MCUB: variants seen among roughly 807,000 people sequenced by gnomAD.
MCUB encodes the protein mitochondrial calcium uniporter dominant negative subunit beta, also known as calcium uniporter regulatory subunit MCUb, mitochondrial.
Under a neutral mutation model 41.4 loss-of-function variants are expected in MCUB, and 46 were observed. The ratio of observed to expected loss-of-function variants is 1.11; its 90% CI spans 0.88 to 1.42. The LOEUF is 1.42. MCUB is among the 40% of genes most tolerant of loss of function. The pLI is 0.00. For synonymous variants in MCUB, 148 were observed against 148.2 expected (o/e 1.00, Z 0.01); for missense variants, 403 against 404.9 (o/e 1.00, Z 0.04).
intron 4 of MCUB, among the ~76,000 whole-genome samples, chr4:109,681,721 G>T (rs1031517905): frequency 2.0e-5 from 3 of 152,248 alleles, no homozygotes; most frequent in Non-Finnish European, 4.4e-5. Flanking sequence ...CGGCAAAGGG[G>T]TGCCTCGCTG....
intron 1 of MCUB, among the ~76,000 whole-genome samples, chr4:109,594,824 C>T (rs569992277): frequency 2.7e-5 from 4 of 150,516 alleles, no homozygotes; most frequent in South Asian, 2.1e-4. Context: ...ATTAAGGTTG[C>T]GTGATCCAAA....
At chr4:109,638,925 T>C (rs1334284380) in intron 1 of MCUB, among the ~76,000 whole-genome samples, 1 of 152,232 alleles carries the variant, frequency 6.6e-6, no homozygotes, top group Non-Finnish European at 1.5e-5. Flanking sequence ...TAGGTTCTAC[T>C]TTTATTCTAG....
intron 3 of MCUB, among the ~76,000 whole-genome samples, chr4:109,661,778 A>T: frequency 6.6e-6 from 1 of 152,116 alleles, no homozygotes; most frequent in East Asian, 1.9e-4. Flanking sequence ...CACACCTGTA[A>T]TCCCAGCACT....
intron 1 of MCUB, among the ~76,000 whole-genome samples, chr4:109,561,712 AC>A (rs1181868198): frequency 6.6e-6 from 1 of 152,040 alleles, no homozygotes; most frequent in Admixed American, 6.5e-5. Flanking sequence ...AATACGAGGA[AC>A]CCCTTTCACA....
At chr4:109,674,564 C>A in intron 4 of MCUB, among the ~76,000 whole-genome samples, 1 of 152,204 alleles carries the variant, frequency 6.6e-6, no homozygotes. Flanking sequence ...TGTTAGAACT[C>A]TGTCCAAAAA....
intron 4 of MCUB, among the ~76,000 whole-genome samples, chr4:109,675,329 C>T (rs1729548333): frequency 1.3e-5 from 2 of 152,196 alleles, no homozygotes; most frequent in Admixed American, 6.5e-5. Flanking sequence ...TCCTCGGAAC[C>T]CTCTTCTCAA....
intron 1 of MCUB, among the ~76,000 whole-genome samples, chr4:109,646,870 G>A (rs1383063667): frequency 1.3e-5 from 2 of 152,112 alleles, no homozygotes; most frequent in African/African-American, 2.4e-5. Flanking sequence ...CAACTATGAA[G>A]CAAACACTAC....
At chr4:109,629,920 T>C (rs574510491) in intron 1 of MCUB, among the ~76,000 whole-genome samples, 3 of 152,318 alleles carry the variant, frequency 2.0e-5, no homozygotes, top group Non-Finnish European at 4.4e-5. Context: ...TTCCTGGAGA[T>C]TGGGCAGTGG....
intron 1 of MCUB, among the ~76,000 whole-genome samples, chr4:109,617,738 G>C (rs978646313): frequency 5.3e-5 from 8 of 152,020 alleles, no homozygotes; most frequent in African/African-American, 1.9e-4. Context: ...ATTTTTTGCT[G>C]TTATAAATAA....
At chr4:109,617,085 C>T (rs1475606751) in intron 1 of MCUB, among the ~76,000 whole-genome samples, 1 of 152,174 alleles carries the variant, frequency 6.6e-6, no homozygotes, top group East Asian at 1.9e-4. Context: ...CTTTGTAACA[C>T]TATCAGCATT....
intron 4 of MCUB, among the ~76,000 whole-genome samples, chr4:109,667,138 T>C (rs1729362329): frequency 6.6e-6 from 1 of 152,150 alleles, no homozygotes; most frequent in South Asian, 2.1e-4. Flanking sequence ...GCTTCTGTCT[T>C]CTGAAAGAGA....
chr4:109,640,282 T>A (rs952570923), intron 1 of MCUB, among the ~76,000 whole-genome samples: 10 of 152,224 alleles, frequency 6.6e-5, no homozygotes, highest in African/African-American at 2.4e-4. Context: ...ATGTCATCTT[T>A]TGTGGTTCTT....
chr4:109,584,444 C>G (rs906957738), intron 1 of MCUB, among the ~76,000 whole-genome samples: 19 of 152,146 alleles, frequency 1.2e-4, no homozygotes, highest in African/African-American at 2.7e-4. Context: ...TTTTGTGTCT[C>G]TGTCTCCTTC....
chr4:109,600,308 C>A (rs148289720), intron 1 of MCUB, among the ~76,000 whole-genome samples: 40 of 152,164 alleles, frequency 2.6e-4, no homozygotes, highest in African/African-American at 9.4e-4. Context: ...GCCATGTAGC[C>A]CTCATCTGAA....
At chr4:109,563,945 A>G (rs1213926334) in intron 1 of MCUB, among the ~76,000 whole-genome samples, 1 of 152,092 alleles carries the variant, frequency 6.6e-6, no homozygotes, top group Non-Finnish European at 1.5e-5. Flanking sequence ...TAATCTACTC[A>G]ATCTAGTAAA....
intron 1 of MCUB, among the ~76,000 whole-genome samples, chr4:109,608,550 C>T (rs575717605): frequency 1.3e-5 from 2 of 152,138 alleles, no homozygotes; most frequent in South Asian, 4.1e-4. Context: ...TGCAGTGGTG[C>T]AGTCATGGCT....
chr4:109,602,750 A>T (rs1302917343), intron 1 of MCUB, among the ~76,000 whole-genome samples: 2 of 152,158 alleles, frequency 1.3e-5, no homozygotes. Context: ...GAAGAATGTC[A>T]TTGGCATTTT....
intron 1 of MCUB, among the ~76,000 whole-genome samples, chr4:109,584,781 C>A (rs1458277531): frequency 6.6e-6 from 1 of 152,146 alleles, no homozygotes; most frequent in African/African-American, 2.4e-5. Flanking sequence ...GTTTCTTAAT[C>A]CTGAGTTCTA....
At chr4:109,603,781 G>T (rs527524322) in intron 1 of MCUB, among the ~76,000 whole-genome samples, 1 of 150,190 alleles carries the variant, frequency 6.7e-6, no homozygotes, top group Admixed American at 6.6e-5. Flanking sequence ...GGGCGCCCCC[G>T]CCCGGCAGCC....
Sources: allele counts gnomAD v4.1 joint callset (sites outside exome capture counted in the v4.1 genomes callset), GRCh38; gene constraint gnomAD v4.1.1; transcripts MANE v1.5; gene names NCBI Gene and HGNC (gene_info 2026-07-23, HGNC 2026-07-21).